APOL2: variants seen among roughly 807,000 people sequenced by gnomAD.
APOL2 encodes apolipoprotein L, 2.
APOL2 carries 8 observed loss-of-function variants against 7.1 expected under a neutral mutation model. That is an observed-to-expected ratio of 1.12 (90% CI 0.66 to 2.03). The LOEUF (loss-of-function observed/expected upper bound fraction) is 2.03. APOL2 is among the 30% of genes most tolerant of loss of function. The pLI is 0.00. For missense variants in APOL2, 471 were observed against 415.1 expected (o/e 1.13, Z -1.17); for synonymous variants, 177 against 159.9 (o/e 1.11, Z -0.81).
rs749528417 is a variant in APOL2 at position 36,231,354 on chromosome 22, A to C, written c.123T>G (p.Ala41=). Residue 41 remains alanine, a synonymous_variant, in exon 4 of 5, where the codon GCT becomes GCG. Transcript: ENST00000358502. The stretch of plus-strand genomic sequence containing the variant: ...ATGGAGCTTACCTGGGCAGTTCAGC[A>C]GCAGCCACGAATCCATTCCAGGCTT... ...DDEAWNGFVA[A]AELPRDEADE... The C allele has an allele frequency of 1.2e-6, 2 of 1,614,150 alleles. No homozygotes were observed. Among genetic ancestry groups the C allele is most frequent in the East Asian group, 4.5e-5 (2 of 44,884 alleles).
rs1424794268 is a variant in APOL2, at chr22:36,226,855, A to T, written c.*549T>A. The stretch of plus-strand genomic sequence containing the variant: ...CTTCTTCCCATTCCCCACACTCTCC[A>T]GTCCTCTCTCCTCCCTTATTGCAGG... On this transcript the variant is annotated 3_prime_UTR_variant, in exon 5 of 5. Transcript: ENST00000358502. 6.2e-6 allele frequency: 1 copy of T among 160,182 alleles called. No individual in the cohort carries two copies. Among genetic ancestry groups the T allele is most frequent in the East Asian group, 1.6e-4 (1 of 6,140 alleles). 9.9% of individuals were successfully genotyped at this position (160,182 alleles called of 1,614,324 possible). A position where few individuals can be genotyped will look rare whatever the true frequency, so the allele number is the denominator to read the frequency against.
In APOL2 at chr22:36,227,809, T is replaced by C. The variant is rs1255658855; in HGVS notation, c.609A>G (p.Thr203=). 6.2e-7 allele frequency: 1 copy of C among 1,614,168 alleles called. No homozygotes were observed. Among genetic ancestry groups the C allele is most frequent in the Admixed American group, 1.7e-5 (1 of 60,016 alleles). Residue 203 remains threonine (T), a synonymous_variant, in exon 5 of 5, where the codon ACA becomes ACG. Coordinates refer to ENST00000358502, the MANE Select transcript of APOL2 (RefSeq NM_030882.4). ...TGTCAACTAAGGTAAGAACATTGGGTGTGTTCCCACCCACAAACTCCTTCA... is the reference window on the plus strand; with the variant it reads ...TGTCAACTAAGGTAAGAACATTGGGCGTGTTCCCACCCACAAACTCCTTCA... The part of the protein sequence containing the change: ...KVMKEFVGGN[T]PNVLTLVDNW...
At position 36,239,428 on chromosome 22, in the gene APOL2, A is replaced by G. The variant is rs562086719; in HGVS notation, c.-134+13T>C. 2.3e-5 allele frequency: 36 copies of G among 1,542,544 alleles called. No homozygotes were observed. Among genetic ancestry groups the G allele is most frequent in the Non-Finnish European group, 3.0e-5 (34 of 1,149,860 alleles). On this transcript the variant is annotated intron_variant, in intron 1 of 4. Transcript: ENST00000358502. ...TAAGGACATGGGGGTAGATCACACT[A>G]TCCCCAACTTACCAAGGGATCTTCC...
intron 1 of APOL2, chr22:36,236,634 G>A (rs912192784): frequency 1.0e-6 from 1 of 985,232 alleles, no homozygotes; most frequent in African/African-American, 1.7e-5. Flanking sequence ...CCCACTTCCA[G>A]CAGCTGGTCT....
chr22:36,236,701 A>C lies in APOL2; in HGVS notation c.-134+2740T>G, dbSNP rs946891284. 11 of 985,160 alleles carry C rather than the reference A, an allele frequency of 1.1e-5. No individual in the cohort carries two copies. The South Asian group carries it at 4.7e-4, about 42-fold the overall frequency. The allele number at this position is 985,160 out of a possible 1,614,324, so 61.0% of individuals were successfully genotyped here. A position where few individuals can be genotyped will look rare whatever the true frequency, so the allele number is the denominator to read the frequency against. On this transcript the variant is annotated intron_variant, in intron 1 of 4. Coordinates refer to ENST00000358502, the MANE Select transcript of APOL2 (RefSeq NM_030882.4). ...GGTTCCCGGGCATCCTCCAGCTCTTATACAAAAGCCCCCTCCTCAAAAGCC... is the reference window on the plus strand; with the variant it reads ...GGTTCCCGGGCATCCTCCAGCTCTTCTACAAAAGCCCCCTCCTCAAAAGCC...
chr22:36,236,858 T>G (rs975512087), intron 1 of APOL2: 2 of 1,238,240 alleles, frequency 1.6e-6, no homozygotes, highest in Non-Finnish European at 2.0e-6. Context: ...CAGGGGAGTA[T>G]GCAGAGGGGC....
At chr22:36,234,907 G>A (rs2015347057) in intron 1 of APOL2, among the ~76,000 whole-genome samples, 1 of 152,196 alleles carries the variant, frequency 6.6e-6, no homozygotes, top group South Asian at 2.1e-4. Context: ...TTCCCACCCA[G>A]ACAGACGGAC....
chr22:36,238,941 G>C (rs2015505620), intron 1 of APOL2, among the ~76,000 whole-genome samples: 1 of 152,226 alleles, frequency 6.6e-6, no homozygotes, highest in Admixed American at 6.5e-5. Flanking sequence ...GACTCAGGGT[G>C]AGTGAGACAA....
intron 4 of APOL2, 93 bp from the exon 5 acceptor site, chr22:36,228,373 C>T (rs10854687): frequency 4.1e-6 from 6 of 1,466,698 alleles, no homozygotes; most frequent in South Asian, 1.4e-5. Context: ...AATTGCAGAG[C>T]TTTCACTATC....
chr22:36,227,550 T>G lies in APOL2; in HGVS notation c.868A>C (p.Ser290Arg). ...GGILLLLDVV[S>R]LAYESKHLLE... is the part of the protein sequence containing the mutation. ...AAGTGCTTTGACTCATATGCAAGGC[T>G]GACCACATCCAGCAGAAGCAAGATG... The change falls in exon 5 of 5, where the codon AGC becomes CGC. Residue 290 changes from serine to arginine, a missense_variant. Physicochemically the swap from Ser to Arg is moderately radical, Grantham distance 110. Transcript: ENST00000358502. The G allele has an allele frequency of 6.2e-7, 1 of 1,614,222 alleles. No individual in the cohort carries two copies. Among genetic ancestry groups the G allele is most frequent in the South Asian group, 1.1e-5 (1 of 91,090 alleles).
rs1365890062 is a variant in APOL2, at chr22:36,227,556, C to T, written c.862G>A (p.Val288Met). Reference protein sequence around the residue: ...ATGGILLLLDVVSLAYESKHL... With the variant: ...ATGGILLLLDMVSLAYESKHL... Reference sequence around the variant, plus strand: ...TTTGACTCATATGCAAGGCTGACCACATCCAGCAGAAGCAAGATGCCTCCA... The same window carrying T: ...TTTGACTCATATGCAAGGCTGACCATATCCAGCAGAAGCAAGATGCCTCCA... The change falls in exon 5 of 5, where the codon GTG (valine) becomes ATG (methionine). Residue 288 changes from valine to methionine, a missense_variant. Coordinates refer to ENST00000358502, the MANE Select transcript of APOL2 (RefSeq NM_030882.4). 3.7e-6 allele frequency: 6 copies of T among 1,614,116 alleles called. No individual in the cohort carries two copies. The highest frequency in any genetic ancestry group is 2.7e-5 in the African/African-American group (2 of 74,928).
intron 1 of APOL2, among the ~76,000 whole-genome samples, chr22:36,233,933 A>G (rs2015316866): frequency 6.6e-6 from 1 of 152,164 alleles, no homozygotes; most frequent in African/African-American, 2.4e-5. Context: ...CTGGTGCTGC[A>G]GTGGACAGCC....
intron 3 of APOL2, 120 bp from the exon 4 acceptor site, chr22:36,231,586 A>G (rs2015227454): frequency 7.8e-7 from 1 of 1,278,702 alleles, no homozygotes; most frequent in African/African-American, 1.5e-5. Context: ...GACATGTTTG[A>G]TGGAGTCATC....
At position 36,227,874 on chromosome 22, in the gene APOL2, G is replaced by C. The variant is rs7285167; in HGVS notation, c.544C>G (p.Arg182Gly). 6.8e-6 allele frequency: 11 copies of C among 1,614,074 alleles called. No individual in the cohort carries two copies. The highest frequency in any genetic ancestry group is 9.3e-6 in the Non-Finnish European group (11 of 1,180,026). ...TTGGTGCCGCTTTGGTCCAAGTTGC[G>C]GGCTTGGGCTCGTGCCCGCAATTTG... Reference protein sequence around the residue: ...VNKLRARAQARNLDQSGTNVA... With the variant: ...VNKLRARAQAGNLDQSGTNVA... The change falls in exon 5 of 5, where the codon CGC becomes GGC. Residue 182 changes from arginine (R) to glycine (G), a missense_variant. By Grantham distance (125) the Arg-to-Gly change is moderately radical. Transcript: ENST00000358502.
intron 1 of APOL2, 141 bp downstream of exon 1, chr22:36,239,300 G>A: frequency 7.4e-7 from 1 of 1,349,206 alleles, no homozygotes; most frequent in East Asian, 2.7e-5. Context: ...GCAAATCCCG[G>A]CTCTGCCACT....
At position 36,227,808 on chromosome 22, in the gene APOL2, G is replaced by A. The variant is rs955284717; in HGVS notation, c.610C>T (p.Pro204Ser). Residue 204 changes from proline (P) to serine (S), a missense_variant, in exon 5 of 5, where the codon CCC becomes TCC. By Grantham distance (74) the Pro-to-Ser change is moderately conservative (BLOSUM62 -1). Transcript: ENST00000358502. ...TTGTCAACTAAGGTAAGAACATTGGGTGTGTTCCCACCCACAAACTCCTTC... is the reference window on the plus strand; with the variant it reads ...TTGTCAACTAAGGTAAGAACATTGGATGTGTTCCCACCCACAAACTCCTTC... ...VMKEFVGGNTPNVLTLVDNWY... is the reference protein window; with the variant it reads ...VMKEFVGGNTSNVLTLVDNWY... 2 of 1,614,192 alleles carry A rather than the reference G, an allele frequency of 1.2e-6. No homozygotes were observed. Among genetic ancestry groups the A allele is most frequent in the Non-Finnish European group, 1.7e-6 (2 of 1,180,044 alleles).
At chr22:36,233,970 C>T (rs946177159) in intron 1 of APOL2, among the ~76,000 whole-genome samples, 16 of 152,194 alleles carry the variant, frequency 1.1e-4, no homozygotes, top group African/African-American at 3.4e-4. Flanking sequence ...CTCTAAGATT[C>T]TTTGTCCCAC....
chr22:36,233,251 G>A lies in APOL2; in HGVS notation c.-79-10C>T, dbSNP rs765544989. On this transcript the variant is annotated splice_polypyrimidine_tract_variant and intron_variant, in intron 2 of 4. Transcript: ENST00000358502. The stretch of plus-strand genomic sequence containing the variant: ...AAGGTTTTCCTTAACCCTTGAGAAC[G>A]AGAAAACAAATTGTGGGATCGAAGG... The A allele has an allele frequency of 8.1e-6, 13 of 1,613,760 alleles. No individual in the cohort carries two copies. Among genetic ancestry groups the A allele is most frequent in the South Asian group, 1.1e-5 (1 of 91,052 alleles).
chr22:36,238,685 C>T (rs1010326401), intron 1 of APOL2, among the ~76,000 whole-genome samples: 1 of 152,206 alleles, frequency 6.6e-6, no homozygotes, highest in Non-Finnish European at 1.5e-5. Context: ...TGGCATCATG[C>T]CACAGGTACC....
Sources: allele counts gnomAD v4.1 joint callset (sites outside exome capture counted in the v4.1 genomes callset), GRCh38; gene constraint gnomAD v4.1.1; transcripts MANE v1.5; gene names NCBI Gene and HGNC (gene_info 2026-07-23, HGNC 2026-07-21).